ZC3H12B: variants seen among roughly 807,000 people sequenced by gnomAD.
ZC3H12B encodes the protein probable ribonuclease ZC3H12B.
A neutral mutation model predicts 43.9 loss-of-function variants in ZC3H12B; 7 were observed. The ratio of observed to expected loss-of-function variants is 0.16; its 90% CI spans 0.09 to 0.30. The LOEUF (loss-of-function observed/expected upper bound fraction) is 0.30. ZC3H12B is among the 10% of genes least tolerant of loss of function. The probability of loss-of-function intolerance (pLI) is 1.00; values close to 1 mark genes in which losing one functional copy is unlikely to be tolerated. For synonymous variants in ZC3H12B, 222 were observed against 241.7 expected, an observed-to-expected ratio of 0.92 and a Z score of 0.76; for missense variants, 475 against 670.2, an observed-to-expected ratio of 0.71 and a Z score of 3.22.
chrX:65,168,907 G>T, the ZC3H12B span, among the ~76,000 whole-genome samples: 1 of 110,895 alleles, frequency 9.0e-6, no homozygotes, highest in African/African-American at 3.3e-5. Context: ...ATTTTTTATT[G>T]CATCTATTTG....
the ZC3H12B span, among the ~76,000 whole-genome samples, chrX:65,237,704 A>G: frequency 9.0e-6 from 1 of 111,373 alleles, no homozygotes; most frequent in Non-Finnish European, 1.9e-5. Flanking sequence ...TGGGTTTCTC[A>G]TATATGGCTG....
chrX:65,321,879 G>A, the ZC3H12B span, among the ~76,000 whole-genome samples: 5 of 110,543 alleles, frequency 4.5e-5, no homozygotes, highest in Admixed American at 9.7e-5. Flanking sequence ...CAATATCACC[G>A]GAGGCTACTT....
chrX:65,445,623 T>C (rs560471560), intron 3 of ZC3H12B, among the ~76,000 whole-genome samples: 6 of 112,588 alleles, frequency 5.3e-5, no homozygotes, highest in African/African-American at 1.6e-4. Context: ...GTAGTGGGTC[T>C]CACCCATGGT....
the ZC3H12B span, among the ~76,000 whole-genome samples, chrX:65,266,378 TG>T: frequency 8.9e-6 from 1 of 111,738 alleles, no homozygotes; most frequent in Non-Finnish European, 1.9e-5. Context: ...AGATCTGCCC[TG>T]GCAAAGCTTT....
At chrX:65,168,924 C>T in the ZC3H12B span, among the ~76,000 whole-genome samples, 1 of 111,225 alleles carries the variant, frequency 9.0e-6, no homozygotes, top group Non-Finnish European at 1.9e-5. Flanking sequence ...TTTGATTCTT[C>T]TCTCTTTTTT....
chrX:65,227,363 T>C, the ZC3H12B span, among the ~76,000 whole-genome samples: 1 of 111,627 alleles, frequency 9.0e-6, no homozygotes, highest in East Asian at 2.8e-4. Context: ...TACCAGAATC[T>C]CTAGGACACA....
At chrX:65,275,017 C>T in the ZC3H12B span, among the ~76,000 whole-genome samples, 1 of 112,209 alleles carries the variant, frequency 8.9e-6, no homozygotes, top group Non-Finnish European at 1.9e-5. Context: ...TATTCCATGA[C>T]TGAGAAACAA....
the ZC3H12B span, among the ~76,000 whole-genome samples, chrX:65,057,947 G>A: frequency 2.7e-5 from 3 of 111,442 alleles, no homozygotes; most frequent in Non-Finnish European, 5.7e-5. Flanking sequence ...GTCATTTAAC[G>A]ACATCTCTAC....
intron 3 of ZC3H12B, among the ~76,000 whole-genome samples, chrX:65,426,298 G>A (rs930159754): frequency 9.5e-6 from 1 of 105,010 alleles, no homozygotes; most frequent in Non-Finnish European, 1.9e-5. Flanking sequence ...TGGTGTCAGT[G>A]GTGATATCCC....
intron 3 of ZC3H12B, among the ~76,000 whole-genome samples, chrX:65,450,360 T>C (rs2148144764): frequency 1.2e-5 from 1 of 82,593 alleles, no homozygotes; most frequent in Non-Finnish European, 2.2e-5. Context: ...TATATATATG[T>C]GTGTATATAC....
chrX:65,191,591 G>T, the ZC3H12B span, among the ~76,000 whole-genome samples: 1 of 103,775 alleles, frequency 9.6e-6, no homozygotes, highest in South Asian at 4.0e-4. Flanking sequence ...TTGCATAGAG[G>T]TGTTTGTAGT....
In ZC3H12B at chrX:65,384,316, C is replaced by G. The variant is rs2066489784; in HGVS notation, n.296-14277C>G. On this transcript the variant is annotated intron_variant and non_coding_transcript_variant, in intron 2 of 5. Coordinates refer to the ZC3H12B transcript ENST00000617377. ...TTCTCACTCATAGGTGGGAATTGAA[C>G]AATAAGAACACATGGACACAGGAAG... 2.7e-5 allele frequency among the ~76,000 whole-genome samples: 3 copies of G among 109,210 alleles called. No individual in the cohort carries two copies. The South Asian group carries it at 1.2e-3, about 44-fold the overall frequency. 94.8% of individuals were successfully genotyped at this position (109,210 alleles called of 115,157 possible).
At chrX:65,193,593 G>A in the ZC3H12B span, among the ~76,000 whole-genome samples, 6 of 110,840 alleles carry the variant, frequency 5.4e-5, no homozygotes, top group Admixed American at 9.6e-5. Context: ...TCCTGTCATC[G>A]ATCTTTTGTG....
At chrX:65,326,531 G>A in the ZC3H12B span, among the ~76,000 whole-genome samples, 1 of 109,562 alleles carries the variant, frequency 9.1e-6, no homozygotes, top group Non-Finnish European at 1.9e-5. Flanking sequence ...ACGATAAAGA[G>A]AAGTTGATTA....
At chrX:65,186,911 C>T in the ZC3H12B span, among the ~76,000 whole-genome samples, 1 of 112,106 alleles carries the variant, frequency 8.9e-6, no homozygotes, top group Non-Finnish European at 1.9e-5. Context: ...ATATATACCA[C>T]ATTTTCTTTA....
the ZC3H12B span, among the ~76,000 whole-genome samples, chrX:65,243,166 A>G: frequency 8.9e-6 from 1 of 112,143 alleles, no homozygotes; most frequent in Non-Finnish European, 1.9e-5. Context: ...AGCAATGGAA[A>G]CAATCAACGA....
chrX:65,213,036 A>G, the ZC3H12B span, among the ~76,000 whole-genome samples: 1 of 107,772 alleles, frequency 9.3e-6, no homozygotes, highest in Non-Finnish European at 1.9e-5. Context: ...TTTTTTATCC[A>G]TTCCCTACTC....
At chrX:65,038,251 T>C in the ZC3H12B span, among the ~76,000 whole-genome samples, 1 of 111,304 alleles carries the variant, frequency 9.0e-6, no homozygotes, top group African/African-American at 3.3e-5. Context: ...CTTCTGTACC[T>C]TTTTTTTGGT....
the ZC3H12B span, among the ~76,000 whole-genome samples, chrX:65,086,568 T>G: frequency 9.0e-6 from 1 of 111,377 alleles, no homozygotes; most frequent in Non-Finnish European, 1.9e-5. Flanking sequence ...GGTTATTAGG[T>G]TATAAGCACA....
Sources: gnomAD v4.1 joint callset for allele counts (sites outside exome capture counted in the v4.1 genomes callset) on GRCh38, gnomAD v4.1.1 for gene constraint, MANE v1.5 for transcripts, NCBI Gene and HGNC (gene_info 2026-07-23, HGNC 2026-07-21) for gene names.